Variants in EDEM1 observed in about 807,000 individuals in gnomAD.
EDEM1 encodes the protein ER degradation enhancing alpha-mannosidase like protein 1.
In EDEM1, 67 loss-of-function variants were observed where a neutral mutation model predicts 74.4. The observed-to-expected ratio is 0.90, with a 90% CI of 0.74 to 1.10. The LOEUF (loss-of-function observed/expected upper bound fraction) is 1.10. Among genes scored for constraint, EDEM1 ranks in the 50% least tolerant of loss-of-function variants. EDEM1 has a pLI of 0.00. For synonymous variants in EDEM1, 382 were observed against 335.9 expected (o/e 1.14, Z -1.50); for missense variants, 926 against 851.6 (o/e 1.09, Z -1.09).
intron 1 of EDEM1, among the ~76,000 whole-genome samples, chr3:5,192,107 G>T (rs975312847): frequency 2.6e-5 from 4 of 152,262 alleles, no homozygotes; most frequent in Middle Eastern, 3.4e-3. Flanking sequence ...GGCTCCTCTT[G>T]TTTCCGTGAC....
chr3:5,205,301 C>T lies in EDEM1; in HGVS notation c.1217+60C>T, dbSNP rs1163401050. ...AAAGCAAATAGAATGCATTCTGAAG[C>T]GTTTGTATTTTTTTTAACACACAAT... On this transcript the variant is annotated intron_variant, in intron 6 of 11. Coordinates refer to ENST00000256497, the MANE Select transcript of EDEM1 (RefSeq NM_014674.3). 3.9e-6 allele frequency: 6 copies of T among 1,520,086 alleles called. No homozygotes were observed. The African/African-American group carries it at 4.2e-5, about 11-fold the overall frequency. The allele number at this position is 1,520,086 out of a possible 1,614,324, so 94.2% of individuals were successfully genotyped here. A position where few individuals can be genotyped will look rare whatever the true frequency, so the allele number is the denominator to read the frequency against.
rs772585771 is a variant in EDEM1, at chr3:5,201,759, G to A, written c.693G>A (p.Leu231=). ...TTGTTCTTCCTGTCATTAGGGTCCT[G>A]GGAAGCCTCCTTTCTGCTCACAGAA... ...VQVFEATIRV[L]GSLLSAHRII... The change falls in exon 4 of 12, where the codon CTG becomes CTA. Residue 231 remains leucine (L), a synonymous_variant. Coordinates refer to ENST00000256497, the MANE Select transcript of EDEM1 (RefSeq NM_014674.3). 6.2e-7 allele frequency: 1 copy of A among 1,614,080 alleles called. No individual in the cohort carries two copies. The highest frequency in any genetic ancestry group is 8.5e-7 in the Non-Finnish European group (1 of 1,180,010).
chr3:5,201,725 A>G, intron 3 of EDEM1, 28 bp from the exon 4 acceptor site: 2 of 1,613,252 alleles, frequency 1.2e-6, no homozygotes, highest in East Asian at 2.2e-5. Context: ...ACACGATTGT[A>G]TTATCTTTTT....
rs1428004918 is a variant in EDEM1 at position 5,211,147 on chromosome 3, C to A, written c.1611C>A (p.Val537=). Residue 537 remains valine (V), a synonymous_variant, in exon 10 of 12, where the codon GTC becomes GTA. Transcript: ENST00000256497. ...GTGGGTACGCCACGCTGCATCACGT[C>A]ATTGACAAGTCCACAGAAGACCGGA... ...VKCGYATLHH[V]IDKSTEDRME... 5.0e-6 allele frequency: 8 copies of A among 1,614,190 alleles called. No homozygotes were observed. The highest frequency in any genetic ancestry group is 6.8e-6 in the Non-Finnish European group (8 of 1,180,032).
rs772751665 is a variant in EDEM1 at position 5,201,883 on chromosome 3, C to T, written c.817C>T (p.Pro273Ser). The T allele has an allele frequency of 2.5e-6, 4 of 1,613,950 alleles. No homozygotes were observed. The highest frequency in any genetic ancestry group is 1.3e-5 in the African/African-American group (1 of 74,896). ...MAHDLAVRLLPAFENTKTGIP... is the reference protein window; with the variant it reads ...MAHDLAVRLLSAFENTKTGIP... ...CCATGACCTGGCGGTGCGGCTCCTC[C>T]CTGCTTTTGAAAACACCAAGACAGG... Residue 273 changes from proline (P) to serine (S), a missense_variant, in exon 4 of 12, where the codon CCT becomes TCT. Transcript: ENST00000256497.
At chr3:5,199,834 T>C in intron 3 of EDEM1, 139 bp downstream of exon 3, 1 of 580,158 alleles carries the variant, frequency 1.7e-6, no homozygotes, top group Non-Finnish European at 3.0e-6. Context: ...TGTGCATTTT[T>C]CATGTTCATA....
Position 5,207,242 on chromosome 3 carries a change from A to G in EDEM1, c.1307A>G (p.Asp436Gly). The G allele has an allele frequency of 6.2e-7, 1 of 1,613,948 alleles. No individual in the cohort carries two copies. The highest frequency in any genetic ancestry group is 8.5e-7 in the Non-Finnish European group (1 of 1,179,968). Reference protein sequence around the residue: ...FSGQLMNTWIDSLQAFFPGLQ... With the variant: ...FSGQLMNTWIGSLQAFFPGLQ... Reference sequence around the variant, plus strand: ...GGGCAGCTGATGAACACCTGGATTGACTCTCTGCAGGCCTTTTTCCCTGGA... The same window carrying G: ...GGGCAGCTGATGAACACCTGGATTGGCTCTCTGCAGGCCTTTTTCCCTGGA... Residue 436 changes from aspartate (D) to glycine (G), a missense_variant, in exon 7 of 12, where the codon GAC (aspartate) becomes GGC (glycine). Physicochemically the swap from Asp to Gly is moderately conservative, Grantham distance 94. Transcript: ENST00000256497.
At position 5,215,822 on chromosome 3, in the gene EDEM1, T is replaced by A; in HGVS notation, c.1885-7T>A. On this transcript the variant is annotated splice_region_variant and splice_polypyrimidine_tract_variant and intron_variant, in intron 11 of 11. Coordinates refer to ENST00000256497, the MANE Select transcript of EDEM1 (RefSeq NM_014674.3). ...TTTTTAATTTTCCCTCGTTTTTGTC[T>A]TTCTAGTGCAATCGTGTACCTGATG... is the stretch of plus-strand genomic sequence containing the variant. 6.2e-7 allele frequency: 1 copy of A among 1,613,092 alleles called. No homozygotes were observed. The highest frequency in any genetic ancestry group is 8.5e-7 in the Non-Finnish European group (1 of 1,179,324).
chr3:5,205,416 G>A lies in EDEM1; in HGVS notation c.1217+175G>A, dbSNP rs977070772. Among the ~76,000 whole-genome samples, 11 of 152,232 alleles carry A rather than the reference G, an allele frequency of 7.2e-5. No homozygotes were observed. The East Asian group carries it at 2.1e-3, about 29-fold the overall frequency. ...CAAAGAGCTGTGTTATCTTTCTGTCGCTGCATAGCATAGTACCCCAGAACC... is the reference window on the plus strand; with the variant it reads ...CAAAGAGCTGTGTTATCTTTCTGTCACTGCATAGCATAGTACCCCAGAACC... On this transcript the variant is annotated intron_variant, in intron 6 of 11. Transcript: ENST00000256497.
chr3:5,197,863 T>C (rs1011445190), intron 2 of EDEM1, among the ~76,000 whole-genome samples: 1 of 151,962 alleles, frequency 6.6e-6, no homozygotes, highest in African/African-American at 2.4e-5. Context: ...AACGATGAGG[T>C]GGAAAAAATG....
chr3:5,190,522 G>A (rs907910976), intron 1 of EDEM1, among the ~76,000 whole-genome samples: 14 of 152,196 alleles, frequency 9.2e-5, no homozygotes, highest in Admixed American at 2.6e-4. Context: ...GCTGGTCTTT[G>A]TGGTATCATG....
intron 1 of EDEM1, among the ~76,000 whole-genome samples, chr3:5,194,403 G>C (rs1384665313): frequency 6.6e-6 from 1 of 152,138 alleles, no homozygotes; most frequent in Non-Finnish European, 1.5e-5. Flanking sequence ...TATTCTCCCA[G>C]ATGTATTAGT....
intron 1 of EDEM1, among the ~76,000 whole-genome samples, chr3:5,191,372 C>T (rs530556998): frequency 6.6e-6 from 1 of 152,052 alleles, no homozygotes; most frequent in African/African-American, 2.4e-5. Flanking sequence ...TAGAGGTGTG[C>T]CCCACCATGC....
chr3:5,213,446 G>A lies in EDEM1; in HGVS notation c.1808G>A (p.Gly603Glu). 2 of 1,614,192 alleles carry A rather than the reference G, an allele frequency of 1.2e-6. No individual in the cohort carries two copies. The highest frequency in any genetic ancestry group is 1.7e-6 in the Non-Finnish European group (2 of 1,180,036). ...LPWKEFFSEEGGQDQGGKSVH... is the reference protein window; with the variant it reads ...LPWKEFFSEEEGQDQGGKSVH... ...TGGAAGGAATTCTTCTCTGAAGAGGGAGGGCAGGACCAAGGGGGAAAGTCT... is the reference window on the plus strand; with the variant it reads ...TGGAAGGAATTCTTCTCTGAAGAGGAAGGGCAGGACCAAGGGGGAAAGTCT... The change falls in exon 11 of 12, where the codon GGA becomes GAA. Residue 603 changes from glycine (G) to glutamate (E), a missense_variant. Physicochemically the swap from Gly to Glu is moderately conservative, Grantham distance 98 (BLOSUM62 -2). Coordinates refer to ENST00000256497, the MANE Select transcript of EDEM1 (RefSeq NM_014674.3).
Position 5,211,132 on chromosome 3 carries a change from C to T in EDEM1, c.1596C>T (p.Ala532=). The part of the protein sequence containing the change: ...EKYTKVKCGY[A]TLHHVIDKST... ...GATTGTTTTGTAGGTGTGGGTACGC[C>T]ACGCTGCATCACGTCATTGACAAGT... The change falls in exon 10 of 12, where the codon GCC becomes GCT. Residue 532 remains alanine (A), a synonymous_variant. Coordinates refer to ENST00000256497, the MANE Select transcript of EDEM1 (RefSeq NM_014674.3). 1 of 1,614,096 alleles carries T rather than the reference C, an allele frequency of 6.2e-7. No homozygotes were observed. Among genetic ancestry groups the T allele is most frequent in the Non-Finnish European group, 8.5e-7 (1 of 1,180,014 alleles).
At chr3:5,207,058 T>C in intron 6 of EDEM1, 95 bp from the exon 7 acceptor site, 10 of 1,527,662 alleles carry the variant, frequency 6.5e-6, no homozygotes, top group Non-Finnish European at 8.8e-6. Flanking sequence ...TTAATGTTAA[T>C]TCCGTTTAAA....
rs1254034252 is a variant in EDEM1, at chr3:5,213,326, A to G, written c.1688A>G (p.Asp563Gly). 6.2e-7 allele frequency: 1 copy of G among 1,613,146 alleles called. No homozygotes were observed. The highest frequency in any genetic ancestry group is 1.3e-5 in the African/African-American group (1 of 74,910). The stretch of plus-strand genomic sequence containing the variant: ...TTTCTCCGTTCCCTCTAGCTGTTTG[A>G]TGAAGACAATCCAGTACACAAGTCT... ...ETCKYLYLLF[D>G]EDNPVHKSGT... is the part of the protein sequence containing the mutation. The change falls in exon 11 of 12, where the codon GAT becomes GGT. Residue 563 changes from aspartate to glycine, a missense_variant. Asp to Gly is a moderately conservative substitution (Grantham distance 94). Coordinates refer to ENST00000256497, the MANE Select transcript of EDEM1 (RefSeq NM_014674.3).
chr3:5,202,719 A>C (rs1479807196), intron 4 of EDEM1, among the ~76,000 whole-genome samples: 1 of 152,214 alleles, frequency 6.6e-6, no homozygotes, highest in Non-Finnish European at 1.5e-5. Context: ...GGTTTAGTGA[A>C]GTGTTATAGC....
chr3:5,213,253 G>A (rs1019627097), intron 10 of EDEM1, 66 bp from the exon 11 acceptor site: 31 of 1,474,936 alleles, frequency 2.1e-5, no homozygotes, highest in East Asian at 7.1e-5. Context: ...GCTGGGACAC[G>A]CCCCCATGAT....
Sources: allele counts gnomAD v4.1 joint callset (sites outside exome capture counted in the v4.1 genomes callset), GRCh38; gene constraint gnomAD v4.1.1; transcripts MANE v1.5; gene names NCBI Gene and HGNC (gene_info 2026-07-23, HGNC 2026-07-21).